The following VWA2 variants were observed in gnomAD, a reference collection of about 807,000 sequenced individuals.
VWA2 encodes the protein von Willebrand factor A domain-containing protein 2.
In VWA2, 73 loss-of-function variants were observed where a neutral mutation model predicts 70.4. The observed-to-expected ratio is 1.04, with a 90% CI of 0.86 to 1.26. The LOEUF (loss-of-function observed/expected upper bound fraction) is 1.26. VWA2 is among the 50% of genes most tolerant of loss of function. The probability of loss-of-function intolerance (pLI) is 0.00; values close to 1 mark genes in which losing one functional copy is unlikely to be tolerated. For synonymous variants in VWA2, 407 were observed against 423.3 expected (o/e 0.96, Z 0.47); for missense variants, 1,011 against 998.5 (o/e 1.01, Z -0.17).
rs981014186 is a variant in VWA2 at position 114,261,218 on chromosome 10, T to G, written c.294T>G (p.Thr98=). The stretch of plus-strand genomic sequence containing the variant: ...TGGGAGCATTCCAGTTCAGTTCCAC[T>G]CCTCATCTGGAATTCCCCTTGGATT... ...VRVGAFQFSS[T]PHLEFPLDSF... Residue 98 remains threonine (T), a synonymous_variant, in exon 5 of 14, where the codon ACT becomes ACG. Transcript: ENST00000392982. The G allele has an allele frequency of 3.1e-6, 5 of 1,613,976 alleles. No individual in the cohort carries two copies. In the African/African-American group the frequency reaches 4.0e-5, roughly 13 times the overall value.
intron 4 of VWA2, among the ~76,000 whole-genome samples, chr10:114,256,103 A>G (rs771618994): frequency 6.6e-6 from 1 of 152,240 alleles, no homozygotes; most frequent in Non-Finnish European, 1.5e-5. Context: ...GCAATTCTAC[A>G]TCAAGGAATT....
chr10:114,267,652 G>C (rs879784593), intron 5 of VWA2, among the ~76,000 whole-genome samples: 4 of 150,582 alleles, frequency 2.7e-5, no homozygotes, highest in African/African-American at 7.4e-5. Flanking sequence ...ATGTTAGCCA[G>C]GCTGGTCTCA....
intron 1 of VWA2, among the ~76,000 whole-genome samples, chr10:114,245,741 C>T (rs2037055074): frequency 6.6e-6 from 1 of 152,218 alleles, no homozygotes; most frequent in South Asian, 2.1e-4. Flanking sequence ...GTCTGTAGAG[C>T]TCCTGACATA....
intron 1 of VWA2, among the ~76,000 whole-genome samples, chr10:114,240,231 A>C (rs75175400): frequency 0.02 from 3,036 of 152,274 alleles, 63 homozygotes; most frequent in South Asian, 0.14. Flanking sequence ...TGCTTCCTGC[A>C]TGTCTCCTTC....
chr10:114,243,287 T>C (rs539966610), intron 1 of VWA2, among the ~76,000 whole-genome samples: 1 of 152,338 alleles, frequency 6.6e-6, no homozygotes, highest in Non-Finnish European at 1.5e-5. Context: ...TGCGGACTTT[T>C]GGTTGTTAGG....
chr10:114,268,032 A>G (rs1429948492), intron 5 of VWA2, among the ~76,000 whole-genome samples: 2 of 152,070 alleles, frequency 1.3e-5, no homozygotes, highest in African/African-American at 4.8e-5. Context: ...AGGTCCTCAG[A>G]GGTGCTAGAC....
chr10:114,278,773 A>G lies in VWA2; in HGVS notation c.755A>G (p.Glu252Gly), dbSNP rs748128724. 6.2e-7 allele frequency: 1 copy of G among 1,613,838 alleles called. No individual in the cohort carries two copies. ...CEHRTLEMVR[E>G]FAGNAPCWRG... ...CACAGGACGCTGGAGATGGTCCGGG[A>G]GTTCGCTGGCAATGCCCCATGCTGG... The change falls in exon 8 of 14, where the codon GAG (glutamate) becomes GGG (glycine). Residue 252 changes from glutamate to glycine, a missense_variant. Transcript: ENST00000392982.
chr10:114,282,449 ATCT>A (rs2038268327), intron 8 of VWA2, 64 bp from the exon 9 acceptor site: 5 of 1,270,106 alleles, frequency 3.9e-6, no homozygotes, highest in African/African-American at 2.9e-5. Flanking sequence ...GTTGTAAATC[ATCT>A]TCTGTTTTCT....
intron 5 of VWA2, among the ~76,000 whole-genome samples, chr10:114,264,813 G>GGGT (rs1236747737): frequency 6.6e-6 from 1 of 151,562 alleles, no homozygotes; most frequent in Non-Finnish European, 1.5e-5. Flanking sequence ...TCCACCTCCC[G>GGGT]GGTTCAAGCG....
chr10:114,245,494 AG>A (rs2037049943), intron 1 of VWA2, among the ~76,000 whole-genome samples: 1 of 152,226 alleles, frequency 6.6e-6, no homozygotes, highest in South Asian at 2.1e-4. Context: ...CCTGAACCTA[AG>A]GAATAGAGAC....
chr10:114,260,773 A>G (rs184397691), intron 4 of VWA2, among the ~76,000 whole-genome samples: 24 of 152,272 alleles, frequency 1.6e-4, no homozygotes, highest in Middle Eastern at 3.4e-3. Context: ...TCCAACCATA[A>G]TGTGGGTGTT....
Position 114,272,722 on chromosome 10 carries a change from C to A in VWA2, c.372-18C>A. On this transcript the variant is annotated intron_variant, in intron 5 of 13. Transcript: ENST00000392982. ...CATCATTCACTTTTCTTTCTTTTTT[C>A]CTTCTGGGTGTGCACAGAGGAGGGC... is the stretch of plus-strand genomic sequence containing the variant. 1 of 1,543,796 alleles carries A rather than the reference C, an allele frequency of 6.5e-7. No individual in the cohort carries two copies. Among genetic ancestry groups the A allele is most frequent in the East Asian group, 2.3e-5 (1 of 42,586 alleles).
chr10:114,247,569 G>A (rs535079298), intron 1 of VWA2, among the ~76,000 whole-genome samples: 2 of 151,972 alleles, frequency 1.3e-5, no homozygotes, highest in East Asian at 3.9e-4. Flanking sequence ...AAAGTGCTGG[G>A]ATTACAGACA....
intron 1 of VWA2, among the ~76,000 whole-genome samples, chr10:114,240,611 T>G (rs2036958508): frequency 6.6e-6 from 1 of 152,242 alleles, no homozygotes; most frequent in Non-Finnish European, 1.5e-5. Flanking sequence ...TCTTTTGCTG[T>G]TAAGGTGACA....
intron 4 of VWA2, among the ~76,000 whole-genome samples, chr10:114,260,055 G>A (rs1467733552): frequency 1.3e-5 from 2 of 152,222 alleles, no homozygotes; most frequent in East Asian, 3.8e-4. Context: ...CAGCATCATT[G>A]CTTAAATATG....
At chr10:114,278,874 C>T (rs201268001) in intron 8 of VWA2, 23 bp downstream of exon 8, 51 of 1,611,274 alleles carry the variant, frequency 3.2e-5, no homozygotes, top group Middle Eastern at 2.1e-4. Flanking sequence ...GGTCTGGGCT[C>T]GGCCTGGGTG....
chr10:114,278,050 A>G lies in VWA2; in HGVS notation c.700+3A>G. The G allele has an allele frequency of 6.2e-7, 1 of 1,608,832 alleles. No individual in the cohort carries two copies. Among genetic ancestry groups the G allele is most frequent in the Non-Finnish European group, 8.5e-7 (1 of 1,176,124 alleles). ...CATCTGCTCCAGCGCCACGCCAGGT[A>G]AGATCTTCCAGCCTGGAGGGAGTGG... On this transcript the variant is annotated splice_donor_region_variant and intron_variant, in intron 7 of 13. Coordinates refer to ENST00000392982, the MANE Select transcript of VWA2 (RefSeq NM_001272046.2).
intron 5 of VWA2, among the ~76,000 whole-genome samples, chr10:114,261,764 A>G (rs1352269574): frequency 3.3e-5 from 5 of 152,220 alleles, no homozygotes; most frequent in African/African-American, 1.2e-4. Context: ...ATGTGCTTAT[A>G]CATATACACA....
chr10:114,277,835 G>C lies in VWA2; in HGVS notation c.567-79G>C, dbSNP rs576593233. 7 of 1,496,738 alleles carry C rather than the reference G, an allele frequency of 4.7e-6. No homozygotes were observed. In the South Asian group the frequency reaches 9.5e-5, roughly 20 times the overall value. 92.7% of individuals were successfully genotyped at this position (1,496,738 alleles called of 1,614,324 possible). On this transcript the variant is annotated intron_variant, in intron 6 of 13. Coordinates refer to ENST00000392982, the MANE Select transcript of VWA2 (RefSeq NM_001272046.2). ...ACTAAATCTGTGCTGCCATCCACAAGGAACCCACGGCCTAGAAGATGAGGG... is the reference window on the plus strand; with the variant it reads ...ACTAAATCTGTGCTGCCATCCACAACGAACCCACGGCCTAGAAGATGAGGG...
Sources: allele counts gnomAD v4.1 joint callset (sites outside exome capture counted in the v4.1 genomes callset), GRCh38; gene constraint gnomAD v4.1.1; transcripts MANE v1.5; gene names NCBI Gene and HGNC (gene_info 2026-07-23, HGNC 2026-07-21).